The following SPAG16 variants were observed in gnomAD, a reference collection of about 807,000 sequenced individuals.
The protein encoded by SPAG16 is sperm associated antigen 16, also known as sperm-associated antigen 16 protein.
In SPAG16, 86 loss-of-function variants were observed where a neutral mutation model predicts 80.4. The ratio of observed to expected loss-of-function variants is 1.07; its 90% CI spans 0.90 to 1.28. SPAG16 has a LOEUF of 1.28. Ranked by LOEUF, SPAG16 falls within the 50% of genes most tolerant of loss-of-function variation. The pLI is 0.00. For synonymous variants in SPAG16, 294 were observed against 265.9 expected (o/e 1.11, Z -1.03); for missense variants, 870 against 765.3 (o/e 1.14, Z -1.61).
At chr2:213,974,931 T>C (rs1457747707) in intron 12 of SPAG16, among the ~76,000 whole-genome samples, 1 of 142,634 alleles carries the variant, frequency 7.0e-6, no homozygotes, top group African/African-American at 2.7e-5. Context: ...GAATCTAGTA[T>C]TGAAGTAAGA....
At chr2:214,064,570 G>A (rs1189239472) in intron 13 of SPAG16, among the ~76,000 whole-genome samples, 1 of 151,974 alleles carries the variant, frequency 6.6e-6, no homozygotes, top group Non-Finnish European at 1.5e-5. Flanking sequence ...TCCAAGGAGT[G>A]ATTTTATAAA....
In SPAG16 at chr2:213,732,992, C is replaced by T. The variant is rs79018678; in HGVS notation, c.1071-129493C>T. On this transcript the variant is annotated intron_variant, in intron 10 of 15. Transcript: ENST00000331683. Reference sequence around the variant, plus strand: ...TAATTGAACTAATTTACACTCCCACCAACAGTGTAAGAGTTTTCCTTTTTC... The same window carrying T: ...TAATTGAACTAATTTACACTCCCACTAACAGTGTAAGAGTTTTCCTTTTTC... 4.6e-3 allele frequency among the ~76,000 whole-genome samples: 696 copies of T among 152,292 alleles called. 7 individuals are homozygous for T. Among genetic ancestry groups the T allele is most frequent in the African/African-American group, 0.016 (646 of 41,562 alleles).
intron 10 of SPAG16, among the ~76,000 whole-genome samples, chr2:213,739,671 G>A (rs1396541944): frequency 6.6e-6 from 1 of 151,794 alleles, no homozygotes; most frequent in Non-Finnish European, 1.5e-5. Context: ...GTGGGATCTC[G>A]GCTCACTGCA....
intron 9 of SPAG16, 75 bp downstream of exon 9, chr2:213,375,194 T>A (rs2066826688): frequency 9.3e-7 from 1 of 1,072,772 alleles, no homozygotes; most frequent in South Asian, 1.7e-5. Context: ...TCATATGGTA[T>A]CATTATTTTA....
intron 11 of SPAG16, among the ~76,000 whole-genome samples, chr2:213,885,449 T>G (rs2076517445): frequency 1.3e-5 from 2 of 152,214 alleles, no homozygotes; most frequent in Admixed American, 1.3e-4. Flanking sequence ...ACATTGATTT[T>G]GTTTCCTTAA....
At chr2:214,325,489 C>T (rs1032460358) in intron 15 of SPAG16, among the ~76,000 whole-genome samples, 14 of 152,008 alleles carry the variant, frequency 9.2e-5, no homozygotes, top group Admixed American at 2.6e-4. Context: ...CTTAAAAACC[C>T]AAATAATTTA....
intron 15 of SPAG16, among the ~76,000 whole-genome samples, chr2:214,305,464 T>C (rs933336233): frequency 2.0e-5 from 3 of 152,226 alleles, no homozygotes; most frequent in African/African-American, 7.2e-5. Flanking sequence ...ATGTCCTTAA[T>C]GGTATTGCCT....
chr2:214,059,186 C>A (rs916010008), intron 13 of SPAG16, among the ~76,000 whole-genome samples: 5 of 114,384 alleles, frequency 4.4e-5, no homozygotes, highest in South Asian at 3.1e-4. Flanking sequence ...CTCTCTCTGT[C>A]TATATATATA....
rs2064244913 is a variant in SPAG16, at chr2:213,334,297, GAC to G, written c.537-5864_537-5863del. 1.3e-5 allele frequency among the ~76,000 whole-genome samples: 2 copies of G among 152,094 alleles called. 1 individual carries two copies. The highest frequency in any genetic ancestry group is 4.1e-4 in the South Asian group (2 of 4,832). ...CAGTTAAAATGGCTTTTATCCAAAAGACAGGTAATAATGCTGGCGAGGATATG... is the reference window on the plus strand; with the variant it reads ...CAGTTAAAATGGCTTTTATCCAAAAGAGGTAATAATGCTGGCGAGGATATG... On this transcript the variant is annotated intron_variant, in intron 5 of 15. Transcript: ENST00000331683.
intron 10 of SPAG16, among the ~76,000 whole-genome samples, chr2:213,754,875 A>G (rs1470971026): frequency 6.6e-6 from 1 of 152,208 alleles, no homozygotes; most frequent in African/African-American, 2.4e-5. Flanking sequence ...GCAACTTATT[A>G]TAAGAAACAG....
intron 10 of SPAG16, among the ~76,000 whole-genome samples, chr2:213,712,482 C>T (rs1429959575): frequency 6.6e-6 from 1 of 152,154 alleles, no homozygotes; most frequent in Non-Finnish European, 1.5e-5. Flanking sequence ...TAGAGTGCCG[C>T]ACCATCTAAG....
At chr2:213,770,877 G>T (rs535208669) in intron 10 of SPAG16, among the ~76,000 whole-genome samples, 1 of 152,224 alleles carries the variant, frequency 6.6e-6, no homozygotes, top group Admixed American at 6.5e-5. Flanking sequence ...ATGGGCATTT[G>T]GTTGATTCCC....
At chr2:213,449,073 G>T (rs1269356436) in intron 9 of SPAG16, among the ~76,000 whole-genome samples, 4 of 152,068 alleles carry the variant, frequency 2.6e-5, no homozygotes, top group Non-Finnish European at 5.9e-5. Flanking sequence ...CCTGGGAAAC[G>T]AATGTGTTCC....
intron 10 of SPAG16, among the ~76,000 whole-genome samples, chr2:213,608,030 A>G (rs2061323502): frequency 6.6e-6 from 1 of 152,188 alleles, no homozygotes; most frequent in Non-Finnish European, 1.5e-5. Flanking sequence ...AATGTTATCT[A>G]TTAAGAATTC....
intron 13 of SPAG16, among the ~76,000 whole-genome samples, chr2:214,090,079 A>C (rs967827856): frequency 1.3e-5 from 2 of 152,044 alleles, no homozygotes; most frequent in African/African-American, 2.4e-5. Context: ...CACAGGAATA[A>C]GCTTGTACAA....
intron 13 of SPAG16, among the ~76,000 whole-genome samples, chr2:214,102,268 T>G (rs759817245): frequency 2.0e-4 from 31 of 152,054 alleles, no homozygotes; most frequent in Non-Finnish European, 3.4e-4. Flanking sequence ...AGCGTAATTT[T>G]AGAGGCAGGA....
chr2:214,188,550 A>G (rs2057553286), intron 15 of SPAG16, among the ~76,000 whole-genome samples: 1 of 152,182 alleles, frequency 6.6e-6, no homozygotes, highest in Non-Finnish European at 1.5e-5. Flanking sequence ...TGTATTTCAA[A>G]ACCAAACATT....
intron 9 of SPAG16, among the ~76,000 whole-genome samples, chr2:213,416,544 T>TTA (rs1398513623): frequency 2.2e-5 from 3 of 137,118 alleles, no homozygotes; most frequent in African/African-American, 8.2e-5. Context: ...ATTACTTGAC[T>TTA]TGTTTTTTCT....
At chr2:213,836,074 C>G (rs1346632291) in intron 10 of SPAG16, among the ~76,000 whole-genome samples, 4 of 152,010 alleles carry the variant, frequency 2.6e-5, no homozygotes, top group African/African-American at 7.2e-5. Flanking sequence ...TTACCTGTCA[C>G]TAACCGTATC....
Sources: gnomAD v4.1 joint callset for allele counts (sites outside exome capture counted in the v4.1 genomes callset) on GRCh38, gnomAD v4.1.1 for gene constraint, MANE v1.5 for transcripts, NCBI Gene and HGNC (gene_info 2026-07-23, HGNC 2026-07-21) for gene names.